The following NR3C1 variants were observed in gnomAD, a reference collection of about 807,000 sequenced individuals.
NR3C1 encodes the protein nuclear receptor subfamily 3 group C member 1, also known as glucocorticoid receptor.
A neutral mutation model predicts 74.0 loss-of-function variants in NR3C1; 14 were observed. The observed-to-expected ratio is 0.19, with a 90% CI of 0.12 to 0.30. The LOEUF is 0.30. NR3C1 is among the 10% of genes least tolerant of loss of function. NR3C1 has a pLI of 1.00. For missense variants in NR3C1, 695 were observed against 909.8 expected, an observed-to-expected ratio of 0.76 and a Z score of 3.04; for synonymous variants, 308 against 332.5, an observed-to-expected ratio of 0.93 and a Z score of 0.80.
At chr5:143,290,189 G>A (rs368927889) in intron 7 of NR3C1, among the ~76,000 whole-genome samples, 2 of 152,188 alleles carry the variant, frequency 1.3e-5, no homozygotes, top group East Asian at 1.9e-4. Flanking sequence ...TAATAATGTA[G>A]CTCCTTCGGT....
chr5:143,435,250 G>A (rs1270463029), exon 1 of NR3C1: 6 of 985,054 alleles, frequency 6.1e-6, no homozygotes, highest in Middle Eastern at 5.2e-4. Flanking sequence ...CAGTGCTTCC[G>A]TTGGACACAT....
intron 2 of NR3C1, among the ~76,000 whole-genome samples, chr5:143,375,131 T>C (rs959418516): frequency 4.6e-5 from 7 of 152,186 alleles, no homozygotes; most frequent in Non-Finnish European, 1.0e-4. Context: ...AGTCTAGTCA[T>C]GCCACCTATT....
intron 1 of NR3C1, among the ~76,000 whole-genome samples, chr5:143,401,888 C>G (rs1212836840): frequency 2.6e-5 from 4 of 152,232 alleles, no homozygotes; most frequent in African/African-American, 4.8e-5. Context: ...CTTCACCTAT[C>G]CCAATTCTCA....
upstream of NR3C1, among the ~76,000 whole-genome samples, chr5:143,405,537 C>T (rs1265970111): frequency 6.6e-6 from 1 of 152,150 alleles, no homozygotes; most frequent in Non-Finnish European, 1.5e-5. Context: ...GTAAACGGTT[C>T]CCTGTGCATT....
At chr5:143,283,699 G>A (rs1813640359) in intron 7 of NR3C1, among the ~76,000 whole-genome samples, 1 of 152,082 alleles carries the variant, frequency 6.6e-6, no homozygotes, top group Non-Finnish European at 1.5e-5. Flanking sequence ...AAGTTTTGGG[G>A]GGATACATTA....
chr5:143,324,448 G>A (rs936622380), intron 2 of NR3C1, among the ~76,000 whole-genome samples: 1 of 152,190 alleles, frequency 6.6e-6, no homozygotes, highest in Non-Finnish European at 1.5e-5. Flanking sequence ...CTGGGACACA[G>A]GGCACAAAGT....
chr5:143,433,466 A>AAT (rs1461822676), intron 1 of NR3C1, among the ~76,000 whole-genome samples: 1 of 133,804 alleles, frequency 7.5e-6, no homozygotes, highest in Non-Finnish European at 1.6e-5. Flanking sequence ...ATATATATAT[A>AAT]TATATTTAAT....
chr5:143,308,359 C>T (rs1346895731), intron 4 of NR3C1, among the ~76,000 whole-genome samples: 3 of 151,986 alleles, frequency 2.0e-5, no homozygotes, highest in Non-Finnish European at 2.9e-5. Context: ...ACATCCGTAG[C>T]CCTACTGGGT....
At chr5:143,371,178 T>C (rs1377143331) in intron 2 of NR3C1, among the ~76,000 whole-genome samples, 1 of 152,324 alleles carries the variant, frequency 6.6e-6, no homozygotes, top group East Asian at 1.9e-4. Context: ...TATATGTACA[T>C]CTTCTATAAT....
rs754093843 is a variant in NR3C1, at chr5:143,278,170, AACT to A, written c.*3716_*3718del. On this transcript the variant is annotated 3_prime_UTR_variant, in exon 9 of 9. Transcript: ENST00000394464. ...AGATTATTATTCAGCATGAATAAAA[AACT>A]ACAACTTTTATTTTTAAACAGGAGT... 6.6e-6 allele frequency: 1 copy of A among 152,204 alleles called. No homozygotes were observed. Among genetic ancestry groups the A allele is most frequent in the Non-Finnish European group, 1.5e-5 (1 of 68,020 alleles). The allele number at this position is 152,204 out of a possible 1,614,324, so 9.4% of individuals were successfully genotyped here.
chr5:143,310,892 G>A (rs764600094), intron 3 of NR3C1, among the ~76,000 whole-genome samples: 39 of 152,216 alleles, frequency 2.6e-4, no homozygotes, highest in Middle Eastern at 3.4e-3. Flanking sequence ...TCAGGACCTC[G>A]TGATCCACCC....
intron 4 of NR3C1, among the ~76,000 whole-genome samples, chr5:143,303,497 G>T (rs852974): frequency 7.2e-5 from 11 of 152,068 alleles, no homozygotes; most frequent in African/African-American, 2.6e-4. Flanking sequence ...TCTACCAGAT[G>T]TACAAAGAAG....
chr5:143,403,463 G>C lies in NR3C1; in HGVS notation c.-266C>G, dbSNP rs1840746283. 2.0e-6 allele frequency: 2 copies of C among 984,018 alleles called. No homozygotes were observed. The highest frequency in any genetic ancestry group is 2.3e-4 in the East Asian group (2 of 8,566). 61.0% of individuals were successfully genotyped at this position (984,018 alleles called of 1,614,324 possible). On this transcript the variant is annotated 5_prime_UTR_variant, in exon 1 of 9. Coordinates refer to ENST00000394464, the MANE Select transcript of NR3C1 (RefSeq NM_000176.3). ...CCGCGGGTCGAGGTTCCGGGCGCGC[G>C]TGCCCCGTCCCGGTCCCAGCTGCTT...
chr5:143,379,487 T>A (rs1835802819), intron 2 of NR3C1, among the ~76,000 whole-genome samples: 1 of 152,060 alleles, frequency 6.6e-6, no homozygotes, highest in Admixed American at 6.5e-5. Context: ...CACAGAAGGA[T>A]CAGAATTTTA....
chr5:143,351,543 G>C (rs1214599498), intron 2 of NR3C1, among the ~76,000 whole-genome samples: 1 of 152,100 alleles, frequency 6.6e-6, no homozygotes, highest in South Asian at 2.1e-4. Flanking sequence ...AACAGCATCT[G>C]ACAGAACAGA....
intron 6 of NR3C1, among the ~76,000 whole-genome samples, chr5:143,296,978 T>C (rs1052840372): frequency 2.0e-5 from 3 of 148,018 alleles, no homozygotes; most frequent in Non-Finnish European, 4.4e-5. Flanking sequence ...TTCGGGAGGC[T>C]GAGGCAGAGA....
rs535948454 is a variant in NR3C1 at position 143,281,464 on chromosome 5, C to G, written c.*425G>C. ...GGTTTCCATGCATAAATCAAAAATG[C>G]TATCCTAACTATACAGGGGGGGGAT... On this transcript the variant is annotated 3_prime_UTR_variant, in exon 9 of 9. Transcript: ENST00000394464. 3 of 173,368 alleles carry G rather than the reference C, an allele frequency of 1.7e-5. No individual in the cohort carries two copies. Among genetic ancestry groups the G allele is most frequent in the African/African-American group, 7.2e-5 (3 of 41,600 alleles). 10.7% of individuals were successfully genotyped at this position (173,368 alleles called of 1,614,324 possible).
At chr5:143,399,313 C>T (rs1839813166) in intron 2 of NR3C1, among the ~76,000 whole-genome samples, 1 of 152,092 alleles carries the variant, frequency 6.6e-6, no homozygotes, top group Non-Finnish European at 1.5e-5. Flanking sequence ...TGACCATGCA[C>T]AACACAATAT....
intron 2 of NR3C1, among the ~76,000 whole-genome samples, chr5:143,342,694 A>G (rs1828477765): frequency 6.6e-6 from 1 of 152,206 alleles, no homozygotes; most frequent in Admixed American, 6.5e-5. Flanking sequence ...CCTAGCCAGG[A>G]GCCAGGAAAT....
Sources: gnomAD v4.1 joint callset for allele counts (sites outside exome capture counted in the v4.1 genomes callset) on GRCh38, gnomAD v4.1.1 for gene constraint, MANE v1.5 for transcripts, NCBI Gene and HGNC (gene_info 2026-07-23, HGNC 2026-07-21) for gene names.